Variants in TEX36 observed in about 807,000 individuals in gnomAD.
TEX36 encodes the protein testis-expressed protein 36.
TEX36 carries 12 observed loss-of-function variants against 13.6 expected under a neutral mutation model. The ratio of observed to expected loss-of-function variants is 0.88; its 90% confidence interval spans 0.56 to 1.43. The LOEUF is 1.43. Among genes scored for constraint, TEX36 ranks in the 40% most tolerant of loss-of-function variants. The pLI is 0.00. For synonymous variants in TEX36, 93 were observed against 83.0 expected (o/e 1.12, Z -0.65); for missense variants, 224 against 228.3 (o/e 0.98, Z 0.12).
In TEX36 at chr10:125,577,672, G is replaced by A. The variant is rs558134854; in HGVS notation, c.265-798C>T. Among the ~76,000 whole-genome samples the A allele has an allele frequency of 2.8e-4, 42 of 152,292 alleles. No homozygotes were observed. In the South Asian group the frequency reaches 3.1e-3, roughly 11 times the overall value. ...GTCTTTTTTCTCCAGGCACGTGTAC[G>A]TGTTTAATATAGTCCTGCCATATTG... On this transcript the variant is annotated intron_variant, in intron 3 of 3. Coordinates refer to the TEX36 transcript ENST00000532135.
At chr10:125,657,092 A>T (rs181972773) in intron 3 of TEX36, among the ~76,000 whole-genome samples, 2 of 152,362 alleles carry the variant, frequency 1.3e-5, no homozygotes, top group East Asian at 1.9e-4. Context: ...GTTCACAACT[A>T]GATGAAAACT....
At chr10:125,631,236 T>C (rs1846550059) in intron 3 of TEX36, among the ~76,000 whole-genome samples, 1 of 152,230 alleles carries the variant, frequency 6.6e-6, no homozygotes, top group South Asian at 2.1e-4. Context: ...CTGCCTATAA[T>C]TATCTGAGTA....
chr10:125,666,171 A>C (rs1847118363), intron 1 of TEX36, among the ~76,000 whole-genome samples: 1 of 152,056 alleles, frequency 6.6e-6, no homozygotes, highest in Non-Finnish European at 1.5e-5. Flanking sequence ...CTTCTTTTCC[A>C]ATTTGGATGC....
chr10:125,643,133 T>G (rs192758264), intron 3 of TEX36, among the ~76,000 whole-genome samples: 77 of 152,236 alleles, frequency 5.1e-4, no homozygotes, highest in Admixed American at 4.6e-3. Context: ...TAGATCCCTG[T>G]CAGTGACAAA....
intron 1 of TEX36, among the ~76,000 whole-genome samples, chr10:125,671,911 T>A (rs1847237642): frequency 6.6e-6 from 1 of 152,222 alleles, no homozygotes; most frequent in Admixed American, 6.5e-5. Context: ...TTCTAGTTTA[T>A]TTGCATAAAG....
intron 1 of TEX36, among the ~76,000 whole-genome samples, chr10:125,675,032 G>A (rs1565191857): frequency 6.6e-6 from 1 of 152,230 alleles, no homozygotes. Context: ...TAAGTCTGCT[G>A]ATCCAGGGAG....
intron 1 of TEX36, chr10:125,667,084 T>A: frequency 8.8e-7 from 1 of 1,141,860 alleles, no homozygotes; most frequent in East Asian, 2.5e-5. Context: ...CAGGGAGCAC[T>A]TGTTAATGGC....
intron 3 of TEX36, among the ~76,000 whole-genome samples, chr10:125,633,147 A>G (rs1328248405): frequency 6.6e-6 from 1 of 152,102 alleles, no homozygotes; most frequent in African/African-American, 2.4e-5. Flanking sequence ...TTATATGCAT[A>G]CTTCACTTCA....
chr10:125,599,731 T>A (rs1325383191), intron 3 of TEX36, among the ~76,000 whole-genome samples: 1 of 152,238 alleles, frequency 6.6e-6, no homozygotes. Context: ...CCCTTTGTAT[T>A]GTATTTGTGC....
At chr10:125,583,431 T>C (rs1282362387) in intron 3 of TEX36, among the ~76,000 whole-genome samples, 2 of 151,862 alleles carry the variant, frequency 1.3e-5, no homozygotes, top group East Asian at 3.9e-4. Flanking sequence ...ACGCTGTGTT[T>C]TTGCATAGCA....
At chr10:125,626,338 C>T (rs1255430433) in intron 3 of TEX36, among the ~76,000 whole-genome samples, 4 of 152,158 alleles carry the variant, frequency 2.6e-5, no homozygotes, top group African/African-American at 9.7e-5. Flanking sequence ...GTGCTGAGTG[C>T]CCCCTATATC....
intron 3 of TEX36, among the ~76,000 whole-genome samples, chr10:125,584,740 T>C (rs1411196944): frequency 6.6e-6 from 1 of 152,194 alleles, no homozygotes; most frequent in Non-Finnish European, 1.5e-5. Context: ...AGCAAGAAGA[T>C]AGCTGTCTAC....
At chr10:125,587,351 A>G (rs1845966798) in intron 3 of TEX36, among the ~76,000 whole-genome samples, 1 of 152,170 alleles carries the variant, frequency 6.6e-6, no homozygotes, top group Admixed American at 6.6e-5. Flanking sequence ...GTTTTGTATT[A>G]TCATGTTTTA....
intron 3 of TEX36, among the ~76,000 whole-genome samples, chr10:125,630,743 C>T (rs1463982030): frequency 5.3e-5 from 8 of 152,112 alleles, no homozygotes; most frequent in South Asian, 2.1e-4. Flanking sequence ...CATCCAACTG[C>T]GAGCCAGTGT....
intron 3 of TEX36, among the ~76,000 whole-genome samples, chr10:125,590,064 C>T (rs17153224): frequency 0.016 from 2,451 of 152,224 alleles, 97 homozygotes; most frequent in East Asian, 0.14. Context: ...TAACATTACA[C>T]GACCTTGGAC....
At chr10:125,644,322 C>T (rs1459492564) in intron 3 of TEX36, among the ~76,000 whole-genome samples, 1 of 151,650 alleles carries the variant, frequency 6.6e-6, no homozygotes, top group Non-Finnish European at 1.5e-5. Context: ...AAGATAGAGC[C>T]AGGTATTTAA....
chr10:125,602,644 T>C (rs902481290), intron 3 of TEX36, among the ~76,000 whole-genome samples: 1 of 152,210 alleles, frequency 6.6e-6, no homozygotes, highest in African/African-American at 2.4e-5. Flanking sequence ...GTGCCGGCTC[T>C]GTGTCCTAAA....
downstream of TEX36, among the ~76,000 whole-genome samples, chr10:125,652,158 G>A (rs1372075272): frequency 6.6e-6 from 1 of 152,070 alleles, no homozygotes; most frequent in Non-Finnish European, 1.5e-5. Context: ...AAGTTCATAT[G>A]GAACCAAAAA....
At chr10:125,670,252 A>T (rs1323479249) in intron 1 of TEX36, among the ~76,000 whole-genome samples, 1 of 152,200 alleles carries the variant, frequency 6.6e-6, no homozygotes, top group Non-Finnish European at 1.5e-5. Context: ...CCTCACTAGC[A>T]TCTGTTGTTT....
Sources: gnomAD v4.1 joint callset for allele counts (sites outside exome capture counted in the v4.1 genomes callset) on GRCh38, gnomAD v4.1.1 for gene constraint, MANE v1.5 for transcripts, NCBI Gene and HGNC (gene_info 2026-07-23, HGNC 2026-07-21) for gene names.